The following HDAC4 variants were observed in gnomAD, a reference collection of about 807,000 sequenced individuals.
HDAC4 encodes the protein histone deacetylase 4, also known as histone deacetylase A.
In HDAC4, 16 loss-of-function variants were observed where a neutral mutation model predicts 135.1. The ratio of observed to expected loss-of-function variants is 0.12; its 90% CI spans 0.08 to 0.18. The LOEUF (loss-of-function observed/expected upper bound fraction) is 0.18, where lower values mean the gene tolerates loss of function less well. Among genes scored for constraint, HDAC4 ranks in the 10% least tolerant of loss-of-function variants. HDAC4 has a pLI of 1.00. For missense variants in HDAC4, 1,143 were observed against 1,511.8 expected (o/e 0.76, Z 4.05); for synonymous variants, 685 against 653.4 (o/e 1.05, Z -0.74).
intron 15 of HDAC4, among the ~76,000 whole-genome samples, chr2:239,104,613 G>A (rs1374974224): frequency 6.6e-6 from 1 of 152,234 alleles, no homozygotes; most frequent in Non-Finnish European, 1.5e-5. Flanking sequence ...AGTTCCCTCT[G>A]GACAGACGGG....
intron 2 of HDAC4, among the ~76,000 whole-genome samples, chr2:239,294,065 A>G (rs1359987739): frequency 6.6e-6 from 1 of 152,152 alleles, no homozygotes; most frequent in African/African-American, 2.4e-5. Context: ...CTCCCAGCCC[A>G]CCCTCTGCTG....
intron 24 of HDAC4, among the ~76,000 whole-genome samples, chr2:239,060,493 C>A (rs141102987): frequency 3.9e-5 from 6 of 152,210 alleles, no homozygotes; most frequent in Non-Finnish European, 5.9e-5. Flanking sequence ...TAGGCAGATG[C>A]GGGGCTGCTC....
chr2:239,252,215 G>C (rs1474751125), intron 2 of HDAC4, among the ~76,000 whole-genome samples: 1 of 152,172 alleles, frequency 6.6e-6, no homozygotes, highest in East Asian at 1.9e-4. Context: ...TCAAAGCCAG[G>C]ATCCACTCCC....
At chr2:239,310,907 C>T (rs1161392618) in intron 2 of HDAC4, among the ~76,000 whole-genome samples, 1 of 152,246 alleles carries the variant, frequency 6.6e-6, no homozygotes, top group African/African-American at 2.4e-5. Flanking sequence ...AACACCACCA[C>T]GGCCACCGGC....
intron 3 of HDAC4, among the ~76,000 whole-genome samples, chr2:239,198,728 C>T (rs188562316): frequency 2.4e-4 from 36 of 152,316 alleles, no homozygotes; most frequent in African/African-American, 8.7e-4. Context: ...TGTCGCCCCT[C>T]TTCTGTTCTC....
chr2:239,100,058 T>A (rs905163667), intron 16 of HDAC4, among the ~76,000 whole-genome samples: 2 of 152,174 alleles, frequency 1.3e-5, no homozygotes, highest in Non-Finnish European at 2.9e-5. Context: ...CCCCATGGAG[T>A]CTGCAGGTGC....
intron 6 of HDAC4, among the ~76,000 whole-genome samples, chr2:239,160,855 G>A (rs2042747458): frequency 6.6e-6 from 1 of 152,198 alleles, no homozygotes; most frequent in Admixed American, 6.5e-5. Flanking sequence ...AGGGTTGGTG[G>A]GTATTTGTCT....
intron 16 of HDAC4, among the ~76,000 whole-genome samples, chr2:239,096,532 AC>A (rs1237599350): frequency 4.1e-5 from 2 of 48,776 alleles, no homozygotes; most frequent in African/African-American, 8.9e-5. Flanking sequence ...GGACGCCAGT[AC>A]CCCCCACGGA....
intron 24 of HDAC4, chr2:239,055,315 C>T: frequency 4.9e-6 from 1 of 202,164 alleles, no homozygotes; most frequent in Non-Finnish European, 1.0e-5. Flanking sequence ...AGAGGGAATC[C>T]TTCACACCGA....
intron 16 of HDAC4, among the ~76,000 whole-genome samples, chr2:239,097,263 C>T (rs1018962627): frequency 2.0e-5 from 3 of 152,252 alleles, no homozygotes; most frequent in African/African-American, 4.8e-5. Flanking sequence ...GGGCTTCAGT[C>T]GGCCCTGGCT....
At chr2:239,346,091 C>A (rs1559375815) in intron 2 of HDAC4, among the ~76,000 whole-genome samples, 1 of 151,270 alleles carries the variant, frequency 6.6e-6, no homozygotes, top group Non-Finnish European at 1.5e-5. Flanking sequence ...CCAACACACA[C>A]ACACCCTAAC....
chr2:239,105,437 C>T (rs561049998), intron 15 of HDAC4, among the ~76,000 whole-genome samples: 5 of 152,340 alleles, frequency 3.3e-5, no homozygotes, highest in East Asian at 1.9e-4. Flanking sequence ...CTGCTCAGAA[C>T]GTGTGAGGCA....
intron 3 of HDAC4, among the ~76,000 whole-genome samples, chr2:239,193,857 C>G (rs936465591): frequency 5.3e-5 from 8 of 152,212 alleles, no homozygotes; most frequent in African/African-American, 1.7e-4. Flanking sequence ...AAAGGAAACC[C>G]AAGTTCATGT....
At chr2:239,385,904 G>GC (rs1415569801) in intron 1 of HDAC4, among the ~76,000 whole-genome samples, 1 of 152,184 alleles carries the variant, frequency 6.6e-6, no homozygotes, top group Non-Finnish European at 1.5e-5. Context: ...TGCTCTGGGA[G>GC]CCCCAAACAA....
rs1691687620 is a variant in HDAC4 at position 239,333,007 on chromosome 2, C to T, written c.22+19671G>A. The stretch of plus-strand genomic sequence containing the variant: ...GAAAAACTAAACACACAAAAACTGA[C>T]ACAAGAAAATCTTAAAAATCTAAAC... On this transcript the variant is annotated intron_variant, in intron 2 of 26. Coordinates refer to ENST00000543185, the MANE Select transcript of HDAC4 (RefSeq NM_001378414.1). Among the ~76,000 whole-genome samples, 8 of 152,198 alleles carry T rather than the reference C, an allele frequency of 5.3e-5. No individual in the cohort carries two copies. The South Asian group carries it at 1.4e-3, about 28-fold the overall frequency.
intron 24 of HDAC4, among the ~76,000 whole-genome samples, chr2:239,058,674 A>C (rs534790416): frequency 6.6e-6 from 1 of 152,390 alleles, no homozygotes; most frequent in East Asian, 1.9e-4. Context: ...ACGAAAGGGC[A>C]TAATGATGTC....
At chr2:239,184,742 C>A (rs28673720) in intron 4 of HDAC4, among the ~76,000 whole-genome samples, 2 of 63,344 alleles carry the variant, frequency 3.2e-5, no homozygotes, top group Non-Finnish European at 3.1e-5. Flanking sequence ...GTCCTGGAGA[C>A]TGTGTCCTAT....
At chr2:239,128,411 C>T (rs552642056) in intron 11 of HDAC4, among the ~76,000 whole-genome samples, 8 of 152,070 alleles carry the variant, frequency 5.3e-5, no homozygotes, top group Admixed American at 1.3e-4. Flanking sequence ...TGCCTGTAAT[C>T]GCAGCTACTC....
Position 239,134,344 on chromosome 2 carries a change from T to C in HDAC4, c.1195A>G (p.Thr399Ala). 6.2e-7 allele frequency: 1 copy of C among 1,613,624 alleles called. No homozygotes were observed. The highest frequency in any genetic ancestry group is 8.5e-7 in the Non-Finnish European group (1 of 1,179,946). ...PGTHLTPYLS[T>A]SPLERDGGAA... ...CCTCCGTCCCGCTCCAAGGGCGAGG[T>C]GCTCAGGTAGGGAGTGAGGTGGGTG... Residue 399 changes from threonine (T) to alanine (A), a missense_variant, in exon 11 of 27, where the codon ACC becomes GCC. Transcript: ENST00000543185.
Sources: allele counts gnomAD v4.1 joint callset (sites outside exome capture counted in the v4.1 genomes callset), GRCh38; gene constraint gnomAD v4.1.1; transcripts MANE v1.5; gene names NCBI Gene and HGNC (gene_info 2026-07-23, HGNC 2026-07-21).